The following CAMKMT variants were observed in gnomAD, a reference collection of about 807,000 sequenced individuals.
The protein encoded by CAMKMT is CaM KMT.
Under a neutral mutation model 48.0 loss-of-function variants are expected in CAMKMT, and 53 were observed. That is an observed-to-expected ratio of 1.10 (90% confidence interval 0.89 to 1.39). CAMKMT has a LOEUF of 1.39. CAMKMT is among the 40% of genes most tolerant of loss of function. CAMKMT has a pLI of 0.00. For missense variants in CAMKMT, 428 were observed against 402.7 expected (o/e 1.06, Z -0.54); for synonymous variants, 165 against 152.3 (o/e 1.08, Z -0.61).
chr2:44,760,682 G>A (rs1435806614), intron 9 of CAMKMT, among the ~76,000 whole-genome samples: 1 of 151,992 alleles, frequency 6.6e-6, no homozygotes, highest in Non-Finnish European at 1.5e-5. Context: ...TCTACTGTAT[G>A]GGTAACGGAG....
At chr2:44,533,733 A>AC (rs1666611444) in intron 3 of CAMKMT, among the ~76,000 whole-genome samples, 1 of 152,196 alleles carries the variant, frequency 6.6e-6, no homozygotes, top group Non-Finnish European at 1.5e-5. Flanking sequence ...TGGTAAAGCA[A>AC]ACACACAAAT....
intron 3 of CAMKMT, among the ~76,000 whole-genome samples, chr2:44,453,120 C>T (rs1158644439): frequency 6.6e-6 from 1 of 151,972 alleles, no homozygotes; most frequent in African/African-American, 2.4e-5. Context: ...CACATATTGG[C>T]ACTATTGTCT....
chr2:44,707,723 T>C (rs897629810), intron 6 of CAMKMT, among the ~76,000 whole-genome samples: 2 of 152,156 alleles, frequency 1.3e-5, no homozygotes, highest in African/African-American at 2.4e-5. Context: ...ATAAGAAAAT[T>C]TGTTTCATAA....
At chr2:44,639,596 G>A (rs113233537) in intron 3 of CAMKMT, among the ~76,000 whole-genome samples, 2,007 of 152,284 alleles carry the variant, frequency 0.013, 33 homozygotes, top group African/African-American at 0.04. Flanking sequence ...CTGATATTGG[G>A]AAAGCACTAT....
rs531962181 is a variant in CAMKMT at position 44,378,890 on chromosome 2, G to T, written c.311+6002G>T. 1.8e-4 allele frequency among the ~76,000 whole-genome samples: 28 copies of T among 152,144 alleles called. No homozygotes were observed. The South Asian group carries it at 2.3e-3, about 12-fold the overall frequency. ...CTCTCTGGCTTACTTTGTATTTTTG[G>T]ATCAATTTTCTTTTACTCACAATAC... On this transcript the variant is annotated intron_variant, in intron 2 of 10. Transcript: ENST00000378494.
chr2:44,505,447 A>G (rs760655507), intron 3 of CAMKMT, among the ~76,000 whole-genome samples: 3 of 152,160 alleles, frequency 2.0e-5, no homozygotes, highest in Admixed American at 6.5e-5. Flanking sequence ...CATCAATTCT[A>G]AGAACTAGTT....
chr2:44,388,841 C>T (rs1681034730), intron 2 of CAMKMT, among the ~76,000 whole-genome samples: 2 of 152,122 alleles, frequency 1.3e-5, no homozygotes, highest in Admixed American at 6.5e-5. Context: ...TGCACAGAGT[C>T]CTGTGATGTG....
At chr2:44,389,804 A>G (rs1402357755) in intron 2 of CAMKMT, among the ~76,000 whole-genome samples, 2 of 152,170 alleles carry the variant, frequency 1.3e-5, no homozygotes, top group Non-Finnish European at 2.9e-5. Context: ...GCAGACCTGA[A>G]GATTGGCTAT....
chr2:44,435,707 T>C (rs1666194397), intron 3 of CAMKMT, among the ~76,000 whole-genome samples: 1 of 152,256 alleles, frequency 6.6e-6, no homozygotes, highest in Non-Finnish European at 1.5e-5. Flanking sequence ...AATTTACTAC[T>C]TAAGAAGTGA....
intron 3 of CAMKMT, among the ~76,000 whole-genome samples, chr2:44,624,886 C>T (rs564848925): frequency 1.3e-5 from 2 of 152,278 alleles, no homozygotes; most frequent in East Asian, 3.9e-4. Flanking sequence ...TTCTAGATCC[C>T]TGAGGAATCA....
chr2:44,625,205 A>G (rs1672410662), intron 3 of CAMKMT, among the ~76,000 whole-genome samples: 1 of 152,144 alleles, frequency 6.6e-6, no homozygotes, highest in Non-Finnish European at 1.5e-5. Context: ...GCTATGTAAT[A>G]GTATCTTATT....
intron 3 of CAMKMT, among the ~76,000 whole-genome samples, chr2:44,591,135 C>T (rs1463303979): frequency 2.0e-5 from 3 of 149,956 alleles, no homozygotes; most frequent in African/African-American, 4.9e-5. Context: ...GTACCAGTAC[C>T]GTGCTGTTTT....
At chr2:44,696,940 A>G (rs1044126381) in intron 3 of CAMKMT, among the ~76,000 whole-genome samples, 8 of 152,148 alleles carry the variant, frequency 5.3e-5, no homozygotes, top group African/African-American at 1.7e-4. Flanking sequence ...TATTAAAAGA[A>G]CAATAAAAAG....
intron 3 of CAMKMT, among the ~76,000 whole-genome samples, chr2:44,395,565 A>G (rs983138887): frequency 5.3e-5 from 8 of 152,162 alleles, no homozygotes; most frequent in Non-Finnish European, 1.0e-4. Flanking sequence ...TACATGGGAT[A>G]TGAAGTTCAG....
intron 3 of CAMKMT, among the ~76,000 whole-genome samples, chr2:44,685,140 T>A (rs1417745941): frequency 6.6e-6 from 1 of 151,616 alleles, no homozygotes; most frequent in South Asian, 2.1e-4. Flanking sequence ...AAGAAAGAGA[T>A]CAAATTATTT....
At chr2:44,425,725 T>G (rs1684233889) in intron 3 of CAMKMT, among the ~76,000 whole-genome samples, 1 of 151,906 alleles carries the variant, frequency 6.6e-6, no homozygotes, top group South Asian at 2.1e-4. Flanking sequence ...CTATGTAGTA[T>G]TCTATCTTTT....
intron 3 of CAMKMT, among the ~76,000 whole-genome samples, chr2:44,650,714 CAT>C (rs1049896664): frequency 3.9e-5 from 6 of 152,012 alleles, no homozygotes; most frequent in African/African-American, 9.7e-5. Flanking sequence ...AAAATGTACA[CAT>C]GTGTTAAAGA....
chr2:44,719,737 A>G (rs1678359821), intron 7 of CAMKMT, among the ~76,000 whole-genome samples: 1 of 152,170 alleles, frequency 6.6e-6, no homozygotes, highest in Non-Finnish European at 1.5e-5. Flanking sequence ...CTTTCATTTC[A>G]GTGTTGGCCT....
chr2:44,626,912 T>C (rs1407559868), intron 3 of CAMKMT, among the ~76,000 whole-genome samples: 1 of 152,214 alleles, frequency 6.6e-6, no homozygotes. Context: ...AGTGCAGCAC[T>C]GAATAGAAGT....
Sources: gnomAD v4.1 joint callset for allele counts (sites outside exome capture counted in the v4.1 genomes callset) on GRCh38, gnomAD v4.1.1 for gene constraint, MANE v1.5 for transcripts, NCBI Gene and HGNC (gene_info 2026-07-23, HGNC 2026-07-21) for gene names.